Variants in ASTN2 observed in about 807,000 individuals in gnomAD.
ASTN2 encodes the protein astrotactin 2.
A neutral mutation model predicts 139.8 loss-of-function variants in ASTN2; 54 were observed. That is an observed-to-expected ratio of 0.39 (90% CI 0.31 to 0.48). The LOEUF (loss-of-function observed/expected upper bound fraction) is 0.48. ASTN2 is among the 20% of genes least tolerant of loss of function. The probability of loss-of-function intolerance (pLI) is 0.95; values close to 1 mark genes in which losing one functional copy is unlikely to be tolerated. For synonymous variants in ASTN2, 756 were observed against 719.5 expected (o/e 1.05, Z -0.81); for missense variants, 1,565 against 1,725.1 (o/e 0.91, Z 1.64).
At chr9:116,847,007 C>CAAAAAAAAAAAAA (rs11302692) in intron 11 of ASTN2, among the ~76,000 whole-genome samples, 14 of 75,882 alleles carry the variant, frequency 1.8e-4, no homozygotes, top group Non-Finnish European at 2.3e-4. Context: ...GCTTCATTCT[C>CAAAAAAAAAAAAA]AAAAAAAAAA....
At chr9:117,123,065 T>C (rs1447091087) in intron 4 of ASTN2, among the ~76,000 whole-genome samples, 2 of 152,058 alleles carry the variant, frequency 1.3e-5, no homozygotes, top group Non-Finnish European at 2.9e-5. Context: ...ATCTTCCTAG[T>C]GCAGTGGCTC....
intron 2 of ASTN2, among the ~76,000 whole-genome samples, chr9:117,234,600 T>C (rs1182194195): frequency 6.6e-6 from 1 of 152,226 alleles, no homozygotes; most frequent in Non-Finnish European, 1.5e-5. Context: ...AAAATTTTAA[T>C]TGGAAATTCA....
At chr9:116,577,917 A>C (rs1853787095) in intron 19 of ASTN2, among the ~76,000 whole-genome samples, 1 of 151,746 alleles carries the variant, frequency 6.6e-6, no homozygotes, top group South Asian at 2.1e-4. Context: ...ACCAGAGATA[A>C]GGGTGGGCAG....
chr9:116,867,216 A>T (rs1040124630), intron 10 of ASTN2, among the ~76,000 whole-genome samples: 1 of 152,236 alleles, frequency 6.6e-6, no homozygotes, highest in African/African-American at 2.4e-5. Flanking sequence ...ACAGATGAAA[A>T]GAGGAGGCAT....
At position 116,670,811 on chromosome 9, in the gene ASTN2, C is replaced by T. The variant is rs1442560049; in HGVS notation, c.2807-19018G>A. On this transcript the variant is annotated intron_variant, in intron 16 of 22. Transcript: ENST00000313400. ...AGGTTGTTAGCACTGCATAGGGAAT[C>T]TTCTCTTGGCAATAACATTATTATT... Among the ~76,000 whole-genome samples, 4 of 152,146 alleles carry T rather than the reference C, an allele frequency of 2.6e-5. No individual in the cohort carries two copies. In the South Asian group the frequency reaches 8.3e-4, roughly 32 times the overall value.
At chr9:116,537,151 G>A (rs117933579) in intron 19 of ASTN2, among the ~76,000 whole-genome samples, 4,824 of 152,288 alleles carry the variant, frequency 0.032, 117 homozygotes, top group Non-Finnish European at 0.047. Flanking sequence ...GAGACCCTCC[G>A]AGCCACGTGC....
At chr9:116,761,187 T>G (rs901080765) in intron 13 of ASTN2, among the ~76,000 whole-genome samples, 1 of 152,206 alleles carries the variant, frequency 6.6e-6, no homozygotes, top group Non-Finnish European at 1.5e-5. Flanking sequence ...CTTCCACTCA[T>G]CAAGTCACTA....
chr9:116,635,211 G>T (rs955231087), intron 17 of ASTN2, among the ~76,000 whole-genome samples: 5 of 152,106 alleles, frequency 3.3e-5, no homozygotes, highest in African/African-American at 1.2e-4. Context: ...ATAACATTCA[G>T]AGCCACCCTA....
chr9:116,612,195 A>C (rs1009707631), intron 19 of ASTN2: 2 of 152,180 alleles, frequency 1.3e-5, no homozygotes, highest in African/African-American at 4.8e-5. Flanking sequence ...ATATGCACCC[A>C]ATATAGGAGC....
intron 6 of ASTN2, among the ~76,000 whole-genome samples, chr9:117,031,049 AT>A (rs1467646611): frequency 1.3e-5 from 2 of 152,068 alleles, no homozygotes; most frequent in African/African-American, 4.8e-5. Context: ...CACCTCCCCT[AT>A]GGGGGTTCTG....
In ASTN2 at chr9:116,528,760, C is replaced by T. The variant is rs115044273; in HGVS notation, c.3356-41260G>A. Among the ~76,000 whole-genome samples the T allele has an allele frequency of 6.7e-3, 1,025 of 152,232 alleles. 12 individuals are homozygous for T. The highest frequency in any genetic ancestry group is 0.024 in the African/African-American group (980 of 41,546). On this transcript the variant is annotated intron_variant, in intron 19 of 22. Coordinates refer to ENST00000313400, the MANE Select transcript of ASTN2 (RefSeq NM_001365068.1). ...GGGACATGGCACCCTGCATTCCAGACGTTCCAGCTCCAGTCATGGCTAAAA... is the reference window on the plus strand; with the variant it reads ...GGGACATGGCACCCTGCATTCCAGATGTTCCAGCTCCAGTCATGGCTAAAA...
At chr9:116,791,709 G>A (rs554491408) in intron 13 of ASTN2, among the ~76,000 whole-genome samples, 259 of 152,284 alleles carry the variant, frequency 1.7e-3, no homozygotes, top group African/African-American at 2.9e-3. Flanking sequence ...CTTTCTGAGC[G>A]TTTAGACCAG....
At chr9:116,510,102 A>G (rs1238052565) in intron 19 of ASTN2, among the ~76,000 whole-genome samples, 1 of 152,004 alleles carries the variant, frequency 6.6e-6, no homozygotes, top group Admixed American at 6.6e-5. Flanking sequence ...CCTGAATGGT[A>G]TTGCCTAGGT....
chr9:116,425,793 G>C lies in ASTN2; in HGVS notation c.*58C>G. 5.0e-6 allele frequency: 8 copies of C among 1,611,076 alleles called. No individual in the cohort carries two copies. Among genetic ancestry groups the C allele is most frequent in the Non-Finnish European group, 6.8e-6 (8 of 1,177,948 alleles). ...CCCACCCAGGCCCCAGGATCCAGGAGAATACTGCTCCCCCTCCCATGGAGA... is the reference window on the plus strand; with the variant it reads ...CCCACCCAGGCCCCAGGATCCAGGACAATACTGCTCCCCCTCCCATGGAGA... On this transcript the variant is annotated 3_prime_UTR_variant, in exon 23 of 23. Transcript: ENST00000313400.
chr9:116,524,664 TGAAAACCATAAA>T (rs1851015962), intron 19 of ASTN2, among the ~76,000 whole-genome samples: 2 of 152,198 alleles, frequency 1.3e-5, no homozygotes, highest in East Asian at 3.9e-4. Context: ...AGAATCACTT[TGAAAACCATAAA>T]GTTCCCTGTA....
chr9:117,009,522 G>A (rs1426068274), intron 6 of ASTN2, among the ~76,000 whole-genome samples: 2 of 152,032 alleles, frequency 1.3e-5, no homozygotes, highest in Non-Finnish European at 2.9e-5. Flanking sequence ...AATTTCACAG[G>A]GGGAAAAATA....
At chr9:117,151,722 G>T (rs13298944) in intron 3 of ASTN2, among the ~76,000 whole-genome samples, 30,562 of 152,024 alleles carry the variant, frequency 0.2, 3,505 homozygotes, top group Middle Eastern at 0.33. Flanking sequence ...AGGGGCAAGG[G>T]TTATACAGAA....
chr9:117,073,582 G>T (rs908932398), intron 5 of ASTN2, among the ~76,000 whole-genome samples: 4 of 152,164 alleles, frequency 2.6e-5, no homozygotes, highest in African/African-American at 9.7e-5. Flanking sequence ...CAGGAATTAG[G>T]TTGGATTCAT....
intron 20 of ASTN2, among the ~76,000 whole-genome samples, chr9:116,459,994 A>G (rs1848438962): frequency 6.6e-6 from 1 of 152,156 alleles, no homozygotes. Context: ...AAAAAGTGAA[A>G]AATGACCCAA....
Sources: allele counts gnomAD v4.1 joint callset (sites outside exome capture counted in the v4.1 genomes callset), GRCh38; gene constraint gnomAD v4.1.1; transcripts MANE v1.5; gene names NCBI Gene and HGNC (gene_info 2026-07-23, HGNC 2026-07-21).